Variants in CSMD1 observed in about 807,000 individuals in gnomAD.
The protein encoded by CSMD1 is CUB and sushi domain-containing protein 1.
Under a neutral mutation model 417.5 loss-of-function variants are expected in CSMD1, and 213 were observed. The observed-to-expected ratio is 0.51, with a 90% CI of 0.46 to 0.57. CSMD1 has a LOEUF of 0.57. Ranked by LOEUF, CSMD1 falls within the 20% of genes least tolerant of loss-of-function variation. CSMD1 has a pLI of 0.00. For missense variants in CSMD1, 6,923 were observed against 4,529.7 expected, an observed-to-expected ratio of 1.53 and a Z score of -15.17; for synonymous variants, 2,862 against 1,736.8, an observed-to-expected ratio of 1.65 and a Z score of -16.11.
chr8:4,669,485 C>G (rs1805158203), intron 1 of CSMD1, among the ~76,000 whole-genome samples: 1 of 152,276 alleles, frequency 6.6e-6, no homozygotes, highest in South Asian at 2.1e-4. Flanking sequence ...ACAACCGTAT[C>G]TAGTCATCTT....
chr8:3,414,211 G>GAAAAA (rs1812986091), intron 12 of CSMD1, among the ~76,000 whole-genome samples: 8 of 2,176 alleles, frequency 3.7e-3, no homozygotes, highest in Admixed American at 5.9e-3. Context: ...TGCACCTAAA[G>GAAAAA]CAAAAAAAAA....
chr8:4,135,346 GAAGGGA>G, intron 3 of CSMD1, among the ~76,000 whole-genome samples: 1 of 28,044 alleles, frequency 3.6e-5, no homozygotes, highest in Non-Finnish European at 7.9e-5. Context: ...AAGAAGGAAG[GAAGGGA>G]AAGGAGGGAA....
intron 3 of CSMD1, among the ~76,000 whole-genome samples, chr8:4,300,191 A>G (rs748749023): frequency 1.4e-4 from 22 of 152,192 alleles, no homozygotes; most frequent in Non-Finnish European, 2.9e-4. Context: ...CTTTTTGCCT[A>G]TCTCACAGAA....
intron 1 of CSMD1, among the ~76,000 whole-genome samples, chr8:4,870,545 C>A (rs1802678109): frequency 6.6e-6 from 1 of 152,064 alleles, no homozygotes. Context: ...CATTCCTCTT[C>A]TCGTGTGTCA....
chr8:4,331,328 T>C (rs942087207), intron 3 of CSMD1, among the ~76,000 whole-genome samples: 1 of 152,140 alleles, frequency 6.6e-6, no homozygotes, highest in Non-Finnish European at 1.5e-5. Context: ...AAACGCAGTT[T>C]TGAGACTAAT....
chr8:3,218,460 C>A (rs1798009398), intron 29 of CSMD1, among the ~76,000 whole-genome samples: 1 of 149,706 alleles, frequency 6.7e-6, no homozygotes, highest in Non-Finnish European at 1.5e-5. Flanking sequence ...ACTCGGGAGG[C>A]TGAGGAAGGA....
intron 3 of CSMD1, among the ~76,000 whole-genome samples, chr8:4,059,754 A>G (rs574489921): frequency 4.6e-5 from 7 of 152,164 alleles, no homozygotes; most frequent in East Asian, 1.9e-4. Flanking sequence ...AAGAAGTTGA[A>G]TCTCTGAATA....
intron 1 of CSMD1, among the ~76,000 whole-genome samples, chr8:4,906,114 A>G (rs943179499): frequency 6.6e-6 from 1 of 152,182 alleles, no homozygotes; most frequent in Admixed American, 6.5e-5. Flanking sequence ...CTTGTATGAT[A>G]TATGGTAGGT....
chr8:4,172,303 G>A (rs1250046654), intron 3 of CSMD1, among the ~76,000 whole-genome samples: 2 of 152,120 alleles, frequency 1.3e-5, no homozygotes, highest in Admixed American at 1.3e-4. Context: ...TAACCACTGA[G>A]CAGGTGTGGC....
intron 6 of CSMD1, among the ~76,000 whole-genome samples, chr8:3,739,665 T>A (rs2129049914): frequency 6.6e-6 from 1 of 152,326 alleles, no homozygotes; most frequent in Middle Eastern, 3.4e-3. Flanking sequence ...CTGTTAATGT[T>A]TAAATTCCTG....
intron 3 of CSMD1, among the ~76,000 whole-genome samples, chr8:4,311,995 A>G (rs575172577): frequency 3.9e-5 from 6 of 152,280 alleles, no homozygotes; most frequent in East Asian, 3.9e-4. Flanking sequence ...TTCAGCATAT[A>G]AAAAAGAAAT....
chr8:4,230,691 T>C (rs1477618141), intron 3 of CSMD1, among the ~76,000 whole-genome samples: 1 of 152,194 alleles, frequency 6.6e-6, no homozygotes, highest in African/African-American at 2.4e-5. Context: ...TACTGCCTAA[T>C]AGTAATTTTC....
rs563046276 is a variant in CSMD1 at position 4,884,364 on chromosome 8, C to T, written c.85+109968G>A. Among the ~76,000 whole-genome samples, 352 of 152,060 alleles carry T rather than the reference C, an allele frequency of 2.3e-3. 7 individuals carry two copies. The highest frequency in any genetic ancestry group is 0.017 in the Middle Eastern group (5 of 294). Reference sequence around the variant, plus strand: ...CCTGATGATTTCCTTTGAGGTACAACGTTTAGAGTTTTGATGAAGTCCAAT... The same window carrying T: ...CCTGATGATTTCCTTTGAGGTACAATGTTTAGAGTTTTGATGAAGTCCAAT... On this transcript the variant is annotated intron_variant, in intron 1 of 69. Transcript: ENST00000635120.
chr8:3,628,719 T>A (rs1048495730), intron 7 of CSMD1, among the ~76,000 whole-genome samples: 3 of 151,756 alleles, frequency 2.0e-5, no homozygotes, highest in African/African-American at 4.8e-5. Flanking sequence ...ACCCTGCAGA[T>A]CACGTCACAG....
At chr8:3,062,108 G>A (rs1397689777) in intron 49 of CSMD1, among the ~76,000 whole-genome samples, 2 of 152,076 alleles carry the variant, frequency 1.3e-5, no homozygotes, top group Non-Finnish European at 2.9e-5. Flanking sequence ...AAATACAAAG[G>A]CCACATTGAA....
chr8:4,113,402 T>G (rs1192381294), intron 3 of CSMD1, among the ~76,000 whole-genome samples: 1 of 146,372 alleles, frequency 6.8e-6, no homozygotes, highest in Non-Finnish European at 1.5e-5. Context: ...TTTTTTTTTT[T>G]TTTTTTTTTT....
At chr8:4,921,810 G>C (rs1385078544) in intron 1 of CSMD1, among the ~76,000 whole-genome samples, 1 of 152,094 alleles carries the variant, frequency 6.6e-6, no homozygotes, top group Non-Finnish European at 1.5e-5. Context: ...ACAGATCATG[G>C]CGAGAGGACT....
At position 4,099,889 on chromosome 8, in the gene CSMD1, C is replaced by G. The variant is rs138285249; in HGVS notation, c.416-67790G>C. ...TTTAAGTTTTAGTTGTACTGGGAAC[C>G]AGTTCAGACATGGAGACTTTTCTAA... is the stretch of plus-strand genomic sequence containing the variant. On this transcript the variant is annotated intron_variant, in intron 3 of 69. Transcript: ENST00000635120. Among the ~76,000 whole-genome samples the G allele has an allele frequency of 3.3e-5, 5 of 152,186 alleles. 1 individual carries two copies. In the East Asian group the frequency reaches 9.7e-4, roughly 30 times the overall value.
chr8:4,522,134 T>G (rs1224825590), intron 2 of CSMD1, among the ~76,000 whole-genome samples: 1 of 152,120 alleles, frequency 6.6e-6, no homozygotes. Context: ...GTGATTGAAC[T>G]ATGGAGGCAA....
Sources: allele counts gnomAD v4.1 joint callset (sites outside exome capture counted in the v4.1 genomes callset), GRCh38; gene constraint gnomAD v4.1.1; transcripts MANE v1.5; gene names NCBI Gene and HGNC (gene_info 2026-07-23, HGNC 2026-07-21).